The following VSIG4 variants were observed in gnomAD, a reference collection of about 807,000 sequenced individuals.
The protein encoded by VSIG4 is V-set and immunoglobulin domain-containing protein 4.
VSIG4 carries 34 observed loss-of-function variants against 23.4 expected under a neutral mutation model. That is an observed-to-expected ratio of 1.45 (90% confidence interval 1.10 to 1.93). VSIG4 has a LOEUF of 1.93. Among genes scored for constraint, VSIG4 ranks in the 30% most tolerant of loss-of-function variants. VSIG4 has a pLI of 0.00. For synonymous variants in VSIG4, 169 were observed against 120.3 expected (o/e 1.41, Z -2.65); for missense variants, 433 against 310.8 (o/e 1.39, Z -2.96).
At chrX:66,037,392 T>A (rs1479125405) in intron 1 of VSIG4, among the ~76,000 whole-genome samples, 7 of 31,177 alleles carry the variant, frequency 2.2e-4, no homozygotes, top group Non-Finnish European at 2.9e-4. Context: ...ATAATATATA[T>A]TATGTAATAA....
Position 66,032,769 on chromosome X carries a change from C to A in VSIG4, c.413-20G>T, listed in dbSNP as rs1161335058. On this transcript the variant is annotated intron_variant, in intron 2 of 7. Coordinates refer to ENST00000374737, the MANE Select transcript of VSIG4 (RefSeq NM_007268.3). ...CAGAGACTGCAAAGAAAAGACAAGA[C>A]AGGAAACTCTGGGCAGTCATAAGGA... is the stretch of plus-strand genomic sequence containing the variant. The A allele has an allele frequency of 8.3e-7, 1 of 1,202,935 alleles. No individual in the cohort carries two copies. Among genetic ancestry groups the A allele is most frequent in the Admixed American group, 2.2e-5 (1 of 45,005 alleles).
chrX:66,039,632 G>T (rs1182267308), intron 1 of VSIG4, among the ~76,000 whole-genome samples: 1 of 112,236 alleles, frequency 8.9e-6, no homozygotes, highest in East Asian at 2.8e-4. Flanking sequence ...AGAGACAGCA[G>T]ATGGAGGAAA....
intron 3 of VSIG4, among the ~76,000 whole-genome samples, chrX:66,028,753 T>G (rs1370561168): frequency 1.8e-5 from 2 of 108,962 alleles, no homozygotes; most frequent in Non-Finnish European, 3.8e-5. Context: ...CCATTCCAGG[T>G]GCTGGAGTGA....
chrX:66,024,742 G>A (rs2085370384), intron 6 of VSIG4, among the ~76,000 whole-genome samples: 1 of 111,808 alleles, frequency 8.9e-6, no homozygotes, highest in Admixed American at 9.5e-5. Flanking sequence ...AGCAACTTGA[G>A]GCCAGGGATT....
In VSIG4 at chrX:66,032,621, G is replaced by A. The variant is rs1280811578; in HGVS notation, c.541C>T (p.Gln181Ter). ...TTGATGGGTTCCTGGTTATTAGTCT[G>A]TTGCTTATACCAAATATAACTGATG... ...PPISYIWYKQQTNNQEPIKVA... is the reference protein window; with the variant it reads ...PPISYIWYKQ Residue 181 changes from glutamine (Q) to a stop codon, truncating the protein, a stop_gained, in exon 3 of 8, where the codon CAG (glutamine) becomes TAG (stop). Coordinates refer to ENST00000374737, the MANE Select transcript of VSIG4 (RefSeq NM_007268.3). LOFTEE classifies it high-confidence loss of function. 3 of 1,211,463 alleles carry A rather than the reference G, an allele frequency of 2.5e-6. No individual in the cohort carries two copies. The highest frequency in any genetic ancestry group is 3.4e-6 in the Non-Finnish European group (3 of 895,422).
chrX:66,038,862 T>C (rs2085651373), intron 1 of VSIG4, among the ~76,000 whole-genome samples: 1 of 111,328 alleles, frequency 9.0e-6, no homozygotes, highest in South Asian at 3.8e-4. Flanking sequence ...AGCTGGATTC[T>C]TTCTGACCTA....
chrX:66,039,934 T>C lies in VSIG4; in HGVS notation c.55+10A>G. 1 of 1,210,577 alleles carries C rather than the reference T, an allele frequency of 8.3e-7. No individual in the cohort carries two copies. The highest frequency in any genetic ancestry group is 1.1e-6 in the Non-Finnish European group (1 of 894,701). On this transcript the variant is annotated intron_variant, in intron 1 of 7. Coordinates refer to ENST00000374737, the MANE Select transcript of VSIG4 (RefSeq NM_007268.3). The stretch of plus-strand genomic sequence containing the variant: ...CAGCAATGGCAGCCAGGCCCCCCTT[T>C]CTGCCTTACCATAAGTGTCCACTGT...
At chrX:66,036,850 T>G (rs1385104148) in intron 1 of VSIG4, among the ~76,000 whole-genome samples, 1 of 39,175 alleles carries the variant, frequency 2.6e-5, no homozygotes, top group Non-Finnish European at 3.9e-5. Flanking sequence ...TATAATATAT[T>G]ATATATATAA....
intron 1 of VSIG4, among the ~76,000 whole-genome samples, chrX:66,035,273 C>T (rs764568867): frequency 4.5e-5 from 5 of 112,172 alleles, no homozygotes; most frequent in Non-Finnish European, 7.5e-5. Flanking sequence ...GAGCAGAACT[C>T]AGACCTACGA....
At chrX:66,033,952 A>G in intron 1 of VSIG4, 122 bp from the exon 2 acceptor site, 3 of 542,022 alleles carry the variant, frequency 5.5e-6, no homozygotes, top group East Asian at 6.9e-5. Flanking sequence ...TTTCTATCAC[A>G]CTTTTGTGTA....
Position 66,032,555 on chromosome X carries a change from T to C in VSIG4, c.607A>G (p.Ile203Val), listed in dbSNP as rs1239364311. The change falls in exon 3 of 8, where the codon ATA (isoleucine) becomes GTA (valine). Residue 203 changes from isoleucine (I) to valine (V), a missense_variant. Coordinates refer to ENST00000374737, the MANE Select transcript of VSIG4 (RefSeq NM_007268.3). ...LSTLLFKPAVIADSGSYFCTA... is the reference protein window; with the variant it reads ...LSTLLFKPAVVADSGSYFCTA... Reference sequence around the variant, plus strand: ...CAGAAATAGGAGCCTGAGTCGGCTATCACCGCAGGCTTGAAGAGTAAGGTA... The same window carrying C: ...CAGAAATAGGAGCCTGAGTCGGCTACCACCGCAGGCTTGAAGAGTAAGGTA... The C allele has an allele frequency of 8.3e-7, 1 of 1,211,642 alleles. No individual in the cohort carries two copies. The highest frequency in any genetic ancestry group is 1.1e-6 in the Non-Finnish European group (1 of 895,308).
rs771119341 is a variant in VSIG4 at position 66,033,679 on chromosome X, T to C, written c.207A>G (p.Leu69=). ...GGATATGGTCTCCAGAAGAGTCACGTAGAAAGATGGTGACAGGGTCTGAGC... is the reference window on the plus strand; with the variant it reads ...GGATATGGTCTCCAGAAGAGTCACGCAGAAAGATGGTGACAGGGTCTGAGC... ...QRGSDPVTIF[L]RDSSGDHIQQ... The change falls in exon 2 of 8, where the codon CTA becomes CTG. Residue 69 remains leucine (L), a synonymous_variant. Transcript: ENST00000374737. 7 of 1,209,302 alleles carry C rather than the reference T, an allele frequency of 5.8e-6. No individual in the cohort carries two copies. The highest frequency in any genetic ancestry group is 1.8e-5 in the South Asian group (1 of 56,734).
chrX:66,033,402 A>AG (rs1317314916), intron 2 of VSIG4, 72 bp downstream of exon 2: 161 of 996,361 alleles, frequency 1.6e-4, no homozygotes, highest in Non-Finnish European at 1.6e-5. Context: ...TGGATTTTTC[A>AG]GGCTTTTCTA....
At chrX:66,038,049 C>T (rs2147682154) in intron 1 of VSIG4, among the ~76,000 whole-genome samples, 1 of 111,014 alleles carries the variant, frequency 9.0e-6, no homozygotes, top group Admixed American at 9.7e-5. Context: ...TCCTGGAATG[C>T]CTCCTGGATG....
chrX:66,025,251 C>A (rs925266629), intron 5 of VSIG4, 122 bp from the exon 6 acceptor site: 2 of 439,853 alleles, frequency 4.5e-6, no homozygotes, highest in Non-Finnish European at 7.5e-6. Flanking sequence ...TTCTCCTAAC[C>A]TTCTTAGCTA....
chrX:66,036,686 A>G (rs1359062912), intron 1 of VSIG4, among the ~76,000 whole-genome samples: 5 of 58,349 alleles, frequency 8.6e-5, no homozygotes, highest in Non-Finnish European at 1.5e-4. Context: ...ATATAATACG[A>G]TATATTATTA....
At chrX:66,036,109 G>A (rs985167379) in intron 1 of VSIG4, among the ~76,000 whole-genome samples, 1 of 111,059 alleles carries the variant, frequency 9.0e-6, no homozygotes, top group Non-Finnish European at 1.9e-5. Context: ...TTCCCAAAAT[G>A]GCATGTTTTT....
intron 3 of VSIG4, among the ~76,000 whole-genome samples, chrX:66,029,781 A>C (rs926450433): frequency 1.8e-5 from 2 of 111,275 alleles, no homozygotes; most frequent in African/African-American, 6.6e-5. Flanking sequence ...AACAGGTTTG[A>C]GGAACAGGTT....
chrX:66,034,768 G>T (rs1295625237), intron 1 of VSIG4, among the ~76,000 whole-genome samples: 3 of 74,003 alleles, frequency 4.1e-5, no homozygotes, highest in South Asian at 8.0e-4. Flanking sequence ...CTTGGGGATG[G>T]GGGTGGGGGT....
Sources: allele counts gnomAD v4.1 joint callset (sites outside exome capture counted in the v4.1 genomes callset), GRCh38; gene constraint gnomAD v4.1.1; transcripts MANE v1.5; gene names NCBI Gene and HGNC (gene_info 2026-07-23, HGNC 2026-07-21).